Variants in LRMDA observed in about 807,000 individuals in gnomAD.
The protein encoded by LRMDA is leucine-rich melanocyte differentiation-associated protein.
LRMDA carries 18 observed loss-of-function variants against 29.8 expected under a neutral mutation model. The ratio of observed to expected loss-of-function variants is 0.60; its 90% CI spans 0.42 to 0.90. LRMDA has a LOEUF of 0.90. Among genes scored for constraint, LRMDA ranks in the 40% least tolerant of loss-of-function variants. The pLI is 0.00. For missense variants in LRMDA, 273 were observed against 273.9 expected (o/e 1.00, Z 0.02); for synonymous variants, 125 against 109.4 (o/e 1.14, Z -0.89).
At chr10:75,536,710 G>A (rs1564795079) in intron 2 of LRMDA, among the ~76,000 whole-genome samples, 1 of 152,136 alleles carries the variant, frequency 6.6e-6, no homozygotes, top group Non-Finnish European at 1.5e-5. Context: ...TAAATTAGTA[G>A]TAGCTGGGGA....
At chr10:76,445,790 G>A (rs541914091) in intron 6 of LRMDA, among the ~76,000 whole-genome samples, 6 of 152,160 alleles carry the variant, frequency 3.9e-5, no homozygotes, top group African/African-American at 9.6e-5. Context: ...AACAAGAAAA[G>A]GTTCTGTTTG....
chr10:75,740,438 C>A (rs1271025688), intron 2 of LRMDA, among the ~76,000 whole-genome samples: 1 of 152,104 alleles, frequency 6.6e-6, no homozygotes, highest in Non-Finnish European at 1.5e-5. Flanking sequence ...TTTTGTGCAG[C>A]CCTGTGTGAT....
intron 2 of LRMDA, among the ~76,000 whole-genome samples, chr10:75,838,541 C>A (rs562663901): frequency 1.8e-4 from 27 of 152,260 alleles, no homozygotes; most frequent in African/African-American, 6.5e-4. Flanking sequence ...GTCATCCAGA[C>A]TGTGAGTTCA....
intron 2 of LRMDA, among the ~76,000 whole-genome samples, chr10:75,995,040 A>G (rs916809907): frequency 6.6e-6 from 1 of 152,076 alleles, no homozygotes; most frequent in African/African-American, 2.4e-5. Context: ...TCCATTATAT[A>G]TTTTGGAATG....
At chr10:76,363,805 G>A (rs1340113554) in intron 6 of LRMDA, among the ~76,000 whole-genome samples, 3 of 152,076 alleles carry the variant, frequency 2.0e-5, no homozygotes, top group Non-Finnish European at 4.4e-5. Context: ...TAACTACGTT[G>A]TTTTGAGCTT....
chr10:76,240,177 C>T (rs1007511229), intron 5 of LRMDA, among the ~76,000 whole-genome samples: 1 of 150,382 alleles, frequency 6.6e-6, no homozygotes, highest in African/African-American at 2.5e-5. Flanking sequence ...ATCAAAATCG[C>T]ATACACACAC....
chr10:76,091,315 G>GTGTGTC (rs1480234277), intron 5 of LRMDA, among the ~76,000 whole-genome samples: 1 of 128,078 alleles, frequency 7.8e-6, no homozygotes, highest in Non-Finnish European at 1.8e-5. Context: ...GTGTGTGTGT[G>GTGTGTC]TGTCTGTGTG....
intron 6 of LRMDA, among the ~76,000 whole-genome samples, chr10:76,453,413 A>G (rs1054336004): frequency 6.6e-6 from 1 of 152,232 alleles, no homozygotes; most frequent in African/African-American, 2.4e-5. Context: ...ACTGTGGGTT[A>G]TATGACATAC....
At chr10:75,605,948 C>T (rs1231444495) in intron 2 of LRMDA, among the ~76,000 whole-genome samples, 2 of 152,174 alleles carry the variant, frequency 1.3e-5, no homozygotes, top group Non-Finnish European at 1.5e-5. Context: ...ACCTCTGCCT[C>T]CTGGACTCAG....
At chr10:75,964,989 C>T (rs1846832633) in intron 2 of LRMDA, among the ~76,000 whole-genome samples, 1 of 152,192 alleles carries the variant, frequency 6.6e-6, no homozygotes, top group Non-Finnish European at 1.5e-5. Flanking sequence ...TGGTCTTGAA[C>T]TCCTGATCTC....
At chr10:76,153,707 CT>C (rs1375817525) in intron 5 of LRMDA, among the ~76,000 whole-genome samples, 1 of 152,196 alleles carries the variant, frequency 6.6e-6, no homozygotes, top group Non-Finnish European at 1.5e-5. Context: ...ACATACTAGC[CT>C]CTTCACTGGA....
chr10:76,139,513 A>G lies in LRMDA; in HGVS notation c.516+80730A>G, dbSNP rs775284857. Among the ~76,000 whole-genome samples the G allele has an allele frequency of 4.1e-4, 63 of 152,270 alleles. No individual in the cohort carries two copies. In the Middle Eastern group the frequency reaches 0.014, roughly 33 times the overall value. Reference sequence around the variant, plus strand: ...TTTTGATTTGGTAGCCATAATTTCTAAGTCTGTTGATAGAAACTTGTCAAT... The same window carrying G: ...TTTTGATTTGGTAGCCATAATTTCTGAGTCTGTTGATAGAAACTTGTCAAT... On this transcript the variant is annotated intron_variant, in intron 5 of 6. Transcript: ENST00000611255.
chr10:76,254,459 C>T (rs912070638), intron 5 of LRMDA, among the ~76,000 whole-genome samples: 5 of 151,554 alleles, frequency 3.3e-5, no homozygotes, highest in African/African-American at 1.2e-4. Context: ...AAAAATAAAG[C>T]AAATCCAATC....
intron 2 of LRMDA, among the ~76,000 whole-genome samples, chr10:75,569,462 GA>G (rs1431544242): frequency 6.6e-6 from 1 of 152,048 alleles, no homozygotes; most frequent in African/African-American, 2.4e-5. Flanking sequence ...AAGAACTTAG[GA>G]AAAAAATCAT....
chr10:75,454,402 A>G (rs1844492026), intron 2 of LRMDA, among the ~76,000 whole-genome samples: 1 of 152,180 alleles, frequency 6.6e-6, no homozygotes, highest in South Asian at 2.1e-4. Flanking sequence ...CATCCGAGGC[A>G]GCCTCTGAGA....
chr10:76,476,237 A>G (rs1005295691), intron 6 of LRMDA, among the ~76,000 whole-genome samples: 3 of 152,182 alleles, frequency 2.0e-5, no homozygotes, highest in Non-Finnish European at 4.4e-5. Context: ...GATCCCACAG[A>G]AATACAAACT....
chr10:76,010,408 G>C (rs1847756497), intron 2 of LRMDA, among the ~76,000 whole-genome samples: 1 of 151,398 alleles, frequency 6.6e-6, no homozygotes, highest in Non-Finnish European at 1.5e-5. Flanking sequence ...CGCCTCCCGA[G>C]TTCAAGCAAT....
At chr10:76,513,925 C>T (rs1028291138) in intron 6 of LRMDA, among the ~76,000 whole-genome samples, 1 of 152,250 alleles carries the variant, frequency 6.6e-6, no homozygotes, top group East Asian at 1.9e-4. Context: ...TATTACATAG[C>T]TTATCAGTAT....
intron 6 of LRMDA, among the ~76,000 whole-genome samples, chr10:76,425,723 G>C (rs945787060): frequency 2.6e-5 from 4 of 151,586 alleles, no homozygotes; most frequent in Non-Finnish European, 5.9e-5. Context: ...ATTTACATTA[G>C]GTGTATCTCC....
Sources: gnomAD v4.1 joint callset for allele counts (sites outside exome capture counted in the v4.1 genomes callset) on GRCh38, gnomAD v4.1.1 for gene constraint, MANE v1.5 for transcripts, NCBI Gene and HGNC (gene_info 2026-07-23, HGNC 2026-07-21) for gene names.